Variants in EPHA7 observed in about 807,000 individuals in gnomAD.
EPHA7 encodes ephrin type-A receptor 7.
EPHA7 carries 25 observed loss-of-function variants against 112.6 expected under a neutral mutation model. The ratio of observed to expected loss-of-function variants is 0.22; its 90% CI spans 0.16 to 0.31. The LOEUF (loss-of-function observed/expected upper bound fraction) is 0.31, where lower values mean the gene tolerates loss of function less well. Among genes scored for constraint, EPHA7 ranks in the 10% least tolerant of loss-of-function variants. The probability of loss-of-function intolerance (pLI) is 1.00; values close to 1 mark genes in which losing one functional copy is unlikely to be tolerated. For synonymous variants in EPHA7, 437 were observed against 406.5 expected (o/e 1.07, Z -0.90); for missense variants, 962 against 1,212.6 (o/e 0.79, Z 3.07).
At chr6:93,294,293 T>C (rs1352946327) in intron 5 of EPHA7, among the ~76,000 whole-genome samples, 1 of 152,310 alleles carries the variant, frequency 6.6e-6, no homozygotes, top group East Asian at 1.9e-4. Context: ...AAATTCTTTT[T>C]CATGTAATAA....
chr6:93,376,415 A>G (rs1777061350), intron 3 of EPHA7, among the ~76,000 whole-genome samples: 1 of 152,170 alleles, frequency 6.6e-6, no homozygotes, highest in African/African-American at 2.4e-5. Context: ...TGCTGGAATT[A>G]CAGGCATAAG....
intron 3 of EPHA7, among the ~76,000 whole-genome samples, chr6:93,383,516 C>T (rs1048737182): frequency 6.6e-6 from 1 of 151,922 alleles, no homozygotes; most frequent in East Asian, 1.9e-4. Context: ...ACTTCACCAA[C>T]AAAATGTATT....
At chr6:93,250,265 G>A (rs1770145888) in intron 14 of EPHA7, among the ~76,000 whole-genome samples, 1 of 152,016 alleles carries the variant, frequency 6.6e-6, no homozygotes, top group South Asian at 2.1e-4. Flanking sequence ...GCTAATTGAG[G>A]CAAAAACTGA....
chr6:93,334,217 A>C (rs2127907961), intron 5 of EPHA7, among the ~76,000 whole-genome samples: 1 of 152,066 alleles, frequency 6.6e-6, no homozygotes, highest in South Asian at 2.1e-4. Flanking sequence ...CTGAAGCTGG[A>C]CCCCCTCCTT....
At position 93,414,691 on chromosome 6, in the gene EPHA7, A is replaced by G; in HGVS notation, c.162+12T>C. The G allele has an allele frequency of 1.2e-6, 2 of 1,606,974 alleles. No individual in the cohort carries two copies. Among genetic ancestry groups the G allele is most frequent in the Non-Finnish European group, 1.7e-6 (2 of 1,174,694 alleles). ...TTTAAAAAAGTGATATTTTATGATG[A>G]AAAAAACTTACCCCATTGGGTGGAG... On this transcript the variant is annotated intron_variant, in intron 2 of 16. Transcript: ENST00000369303.
intron 5 of EPHA7, among the ~76,000 whole-genome samples, chr6:93,315,271 T>C (rs1562091372): frequency 1.3e-5 from 2 of 152,240 alleles, no homozygotes; most frequent in Non-Finnish European, 2.9e-5. Context: ...TTTAAATCTC[T>C]GATTAAAATA....
At chr6:93,248,060 C>T (rs1299425295) in intron 14 of EPHA7, among the ~76,000 whole-genome samples, 1 of 151,934 alleles carries the variant, frequency 6.6e-6, no homozygotes, top group Non-Finnish European at 1.5e-5. Flanking sequence ...AAGAACAAAT[C>T]CTTTGACACT....
chr6:93,416,358 T>C (rs947751075), intron 1 of EPHA7, among the ~76,000 whole-genome samples: 2 of 152,178 alleles, frequency 1.3e-5, no homozygotes, highest in Admixed American at 1.3e-4. Context: ...GTGCTGAATA[T>C]AGACAACAGG....
At chr6:93,313,875 GCC>G (rs1773659773) in intron 5 of EPHA7, among the ~76,000 whole-genome samples, 1 of 152,068 alleles carries the variant, frequency 6.6e-6, no homozygotes, top group African/African-American at 2.4e-5. Flanking sequence ...CAGTACCATG[GCC>G]TAGTACTAAC....
chr6:93,385,737 A>C (rs528960178), intron 3 of EPHA7, among the ~76,000 whole-genome samples: 135 of 152,046 alleles, frequency 8.9e-4, no homozygotes, highest in African/African-American at 1.1e-3. Context: ...AGATAGCTAG[A>C]TAGATAGATA....
At chr6:93,377,534 A>G (rs1275954683) in intron 3 of EPHA7, among the ~76,000 whole-genome samples, 1 of 66,450 alleles carries the variant, frequency 1.5e-5, no homozygotes, top group East Asian at 4.5e-4. Flanking sequence ...AAAATAAGAA[A>G]AAAGCTTTGA....
intron 5 of EPHA7, among the ~76,000 whole-genome samples, chr6:93,344,923 C>T (rs1335982787): frequency 1.3e-5 from 2 of 151,582 alleles, no homozygotes; most frequent in South Asian, 2.1e-4. Context: ...TCCTCTTCCC[C>T]GGAGAGGCCA....
intron 5 of EPHA7, among the ~76,000 whole-genome samples, chr6:93,334,378 C>CA (rs1774752445): frequency 6.6e-6 from 1 of 151,540 alleles, no homozygotes; most frequent in Non-Finnish European, 1.5e-5. Context: ...GCAACTGCAA[C>CA]AAAAAAATTG....
At chr6:93,263,514 C>T (rs541883918) in intron 9 of EPHA7, among the ~76,000 whole-genome samples, 1 of 151,276 alleles carries the variant, frequency 6.6e-6, no homozygotes, top group Admixed American at 6.6e-5. Flanking sequence ...TCTTTGTAAC[C>T]TGACATGACA....
At chr6:93,320,855 G>T (rs1226648775) in intron 5 of EPHA7, among the ~76,000 whole-genome samples, 1 of 151,704 alleles carries the variant, frequency 6.6e-6, no homozygotes, top group East Asian at 1.9e-4. Flanking sequence ...CTGAAATATG[G>T]GATTGTAGGA....
Position 93,262,255 on chromosome 6 carries a change from T to C in EPHA7, c.1798+1605A>G, listed in dbSNP as rs1177121744. On this transcript the variant is annotated intron_variant, in intron 9 of 16. Transcript: ENST00000369303. ...AACAAAAAAAGGTAACCTCCACTTT[T>C]TTCTCTATTTCCTCTAGCTATAAAC... is the stretch of plus-strand genomic sequence containing the variant. 7.3e-5 allele frequency among the ~76,000 whole-genome samples: 11 copies of C among 151,608 alleles called. No homozygotes were observed. The East Asian group carries it at 2.1e-3, about 30-fold the overall frequency.
At chr6:93,255,114 T>G (rs1367729700) in intron 13 of EPHA7, among the ~76,000 whole-genome samples, 1 of 151,978 alleles carries the variant, frequency 6.6e-6, no homozygotes, top group Non-Finnish European at 1.5e-5. Flanking sequence ...GAGGCCGAAG[T>G]GGGTGGATCA....
In EPHA7 at chr6:93,410,233, A is replaced by G. The variant is rs1421462862; in HGVS notation, c.832+268T>C. 2.6e-6 allele frequency: 1 copy of G among 385,174 alleles called. No individual in the cohort carries two copies. Among genetic ancestry groups the G allele is most frequent in the Non-Finnish European group, 4.7e-6 (1 of 211,712 alleles). 23.9% of individuals were successfully genotyped at this position (385,174 alleles called of 1,614,324 possible). On this transcript the variant is annotated intron_variant, in intron 3 of 16. Coordinates refer to ENST00000369303, the MANE Select transcript of EPHA7 (RefSeq NM_004440.4). The surrounding 1 kb of genome is among the most constrained non-coding windows in gnomAD (Gnocchi z 4.0). ...ACTCCTCTCTAAACTCCATAGCCCA[A>G]CGTGCAACTATTGACTTCCATGTTA...
At position 93,246,804 on chromosome 6, in the gene EPHA7, C is replaced by T. The variant is rs2127846854; in HGVS notation, c.2714G>A (p.Gly905Glu). 5 of 1,606,866 alleles carry T rather than the reference C, an allele frequency of 3.1e-6. No homozygotes were observed. Among genetic ancestry groups the T allele is most frequent in the Non-Finnish European group, 4.3e-6 (5 of 1,173,848 alleles). Residue 905 changes from glycine to glutamate, a missense_variant, in exon 15 of 17, where the codon GGA becomes GAA. Gly to Glu is a moderately conservative substitution (Grantham distance 98). Coordinates refer to ENST00000369303, the MANE Select transcript of EPHA7 (RefSeq NM_004440.4). Reference protein sequence around the residue: ...RNPNSLKTPLGTCSRPISPLL... With the variant: ...RNPNSLKTPLETCSRPISPLL... ...AGGCATTTCTTACCTACTACAAGTT[C>T]CCAGGGGAGTTTTCAGACTATTTGG...
Sources: gnomAD v4.1 joint callset for allele counts (sites outside exome capture counted in the v4.1 genomes callset) on GRCh38, gnomAD v4.1.1 for gene constraint, Gnocchi (gnomAD v3.1) non-coding constraint, MANE v1.5 for transcripts, NCBI Gene and HGNC (gene_info 2026-07-23, HGNC 2026-07-21) for gene names.